The following CRIPT variants were observed in gnomAD, a reference collection of about 807,000 sequenced individuals.
CRIPT encodes the protein cysteine-rich PDZ-binding protein.
CRIPT carries 20 observed loss-of-function variants against 16.6 expected under a neutral mutation model. The ratio of observed to expected loss-of-function variants is 1.20; its 90% CI spans 0.85 to 1.75. The LOEUF is 1.75. CRIPT is among the 40% of genes most tolerant of loss of function. The pLI is 0.00. For synonymous variants in CRIPT, 42 were observed against 37.0 expected, an observed-to-expected ratio of 1.14 and a Z score of -0.49; for missense variants, 133 against 115.3, an observed-to-expected ratio of 1.15 and a Z score of -0.70.
rs1670998102 is a variant in CRIPT at position 46,628,539 on chromosome 2, T to A, written c.*4312T>A. Among the ~76,000 whole-genome samples, 1 of 152,248 alleles carries A rather than the reference T, an allele frequency of 6.6e-6. No individual in the cohort carries two copies. On this transcript the variant is annotated 3_prime_UTR_variant, in exon 5 of 5. Transcript: ENST00000238892. Reference sequence around the variant, plus strand: ...TTCTAGCTCATGAGCTTGGAATGTTTTTCCATTTGTTTGTGTCATCTCTGA... The same window carrying A: ...TTCTAGCTCATGAGCTTGGAATGTTATTCCATTTGTTTGTGTCATCTCTGA...
At chr2:46,618,864 A>G in intron 2 of CRIPT, 26 bp downstream of exon 2, 1 of 1,354,588 alleles carries the variant, frequency 7.4e-7, no homozygotes, top group Non-Finnish European at 1.0e-6. Context: ...GAAAATAGGA[A>G]TTTAACCGAA....
intron 3 of CRIPT, 139 bp downstream of exon 3, chr2:46,619,820 C>G (rs558499697): frequency 3.4e-6 from 2 of 591,078 alleles, no homozygotes; most frequent in South Asian, 2.4e-5. Flanking sequence ...ACCAAGCTAT[C>G]TGTTATAATC....
At position 46,629,353 on chromosome 2, in the gene CRIPT, C is replaced by G. The variant is rs922907975; in HGVS notation, c.*5126C>G. ...CACTTCATAAGAACAAGCATGCTGT[C>G]TTACCCAAGTACAGCTATCAAGTTC... On this transcript the variant is annotated 3_prime_UTR_variant, in exon 5 of 5. Coordinates refer to ENST00000238892, the MANE Select transcript of CRIPT (RefSeq NM_014171.6). Among the ~76,000 whole-genome samples, 7 of 152,198 alleles carry G rather than the reference C, an allele frequency of 4.6e-5. No individual in the cohort carries two copies. The highest frequency in any genetic ancestry group is 7.4e-5 in the Non-Finnish European group (5 of 68,020).
chr2:46,621,308 G>A (rs757046032), intron 3 of CRIPT, among the ~76,000 whole-genome samples: 5 of 152,070 alleles, frequency 3.3e-5, no homozygotes, highest in Non-Finnish European at 4.4e-5. Context: ...ATCATATGCT[G>A]TCTTTATTAG....
At position 46,627,413 on chromosome 2, in the gene CRIPT, C is replaced by T. The variant is rs1323408012; in HGVS notation, c.*3186C>T. On this transcript the variant is annotated 3_prime_UTR_variant, in exon 5 of 5. Transcript: ENST00000238892. ...ATTTCGTAGGTTTTCTTCTAGGACT[C>T]TTATAGCTTGAAGTCTTACATTTAA... Among the ~76,000 whole-genome samples the T allele has an allele frequency of 2.7e-5, 4 of 150,468 alleles. No individual in the cohort carries two copies. Among genetic ancestry groups the T allele is most frequent in the African/African-American group, 7.3e-5 (3 of 41,076 alleles).
Position 46,628,808 on chromosome 2 carries a change from A to G in CRIPT, c.*4581A>G, listed in dbSNP as rs1049983230. 2.6e-5 allele frequency among the ~76,000 whole-genome samples: 4 copies of G among 152,220 alleles called. No homozygotes were observed. The highest frequency in any genetic ancestry group is 4.4e-5 in the Non-Finnish European group (3 of 68,034). On this transcript the variant is annotated 3_prime_UTR_variant, in exon 5 of 5. Coordinates refer to ENST00000238892, the MANE Select transcript of CRIPT (RefSeq NM_014171.6). ...CTAAAACAAAACATGAACATAAAAT[A>G]TTTTTAAAAGGAAGACATACAAACA...
rs1448408798 is a variant in CRIPT at position 46,629,250 on chromosome 2, G to A, written c.*5023G>A. Among the ~76,000 whole-genome samples, 1 of 152,086 alleles carries A rather than the reference G, an allele frequency of 6.6e-6. No homozygotes were observed. The highest frequency in any genetic ancestry group is 1.5e-5 in the Non-Finnish European group (1 of 68,008). The stretch of plus-strand genomic sequence containing the variant: ...TAACTCCCAGTTCCCTTAACTGGGG[G>A]TGTGTATCCTAGAATCCTCGACCCA... On this transcript the variant is annotated 3_prime_UTR_variant, in exon 5 of 5. Transcript: ENST00000238892.
intron 3 of CRIPT, among the ~76,000 whole-genome samples, chr2:46,621,449 A>G (rs1253317397): frequency 6.6e-6 from 1 of 152,210 alleles, no homozygotes; most frequent in African/African-American, 2.4e-5. Context: ...TTCCCTAATC[A>G]GCATCTAAAC....
In CRIPT at chr2:46,627,135, G is replaced by A. The variant is rs898234774; in HGVS notation, c.*2908G>A. Among the ~76,000 whole-genome samples, 10 of 151,920 alleles carry A rather than the reference G, an allele frequency of 6.6e-5. No individual in the cohort carries two copies. The highest frequency in any genetic ancestry group is 1.9e-4 in the East Asian group (1 of 5,156). The stretch of plus-strand genomic sequence containing the variant: ...GGAGTGAGCCACCACACCTGGCCAC[G>A]AGTTACTTGGTTTTCGTTTTCTGAA... On this transcript the variant is annotated 3_prime_UTR_variant, in exon 5 of 5. Transcript: ENST00000238892.
intron 1 of CRIPT, among the ~76,000 whole-genome samples, chr2:46,618,042 C>T (rs561371328): frequency 1.3e-5 from 2 of 150,292 alleles, no homozygotes; most frequent in South Asian, 4.3e-4. Flanking sequence ...CCTTCATCCT[C>T]TTTACTCCTT....
At position 46,625,071 on chromosome 2, in the gene CRIPT, G is replaced by GTTTTTTTTTT. The variant is rs879055294; in HGVS notation, c.*853_*862dup. On this transcript the variant is annotated 3_prime_UTR_variant, in exon 5 of 5. Coordinates refer to ENST00000238892, the MANE Select transcript of CRIPT (RefSeq NM_014171.6). The stretch of plus-strand genomic sequence containing the variant: ...GACTCTCCCTTTTTAAAATTTGTTT[G>GTTTTTTTTTT]TTTTTTTTTTTTTTTTTTGGATACA... 1.2e-5 allele frequency: 1 copy of GTTTTTTTTTT among 80,250 alleles called. No homozygotes were observed. 5.0% of individuals were successfully genotyped at this position (80,250 alleles called of 1,614,324 possible). A position where few individuals can be genotyped will look rare whatever the true frequency, so the allele number is the denominator to read the frequency against.
chr2:46,624,926 A>G lies in CRIPT; in HGVS notation c.*699A>G, dbSNP rs1299867689. ...CCAGAACAGTGTTTGTCCATGTTGC[A>G]TGTAATGAAAATAAATCCCTGCTCT... On this transcript the variant is annotated 3_prime_UTR_variant, in exon 5 of 5. Coordinates refer to ENST00000238892, the MANE Select transcript of CRIPT (RefSeq NM_014171.6). 3 of 151,970 alleles carry G rather than the reference A, an allele frequency of 2.0e-5. No homozygotes were observed. Among genetic ancestry groups the G allele is most frequent in the East Asian group, 1.9e-4 (1 of 5,194 alleles). The allele number at this position is 151,970 out of a possible 1,614,324, so 9.4% of individuals were successfully genotyped here.
Position 46,624,248 on chromosome 2 carries a change from G to C in CRIPT, c.*21G>C. ...TCTAGATGTATTGATGGAATTTCTG[G>C]CTTTCTAAATGATTTTACTTTCTGC... On this transcript the variant is annotated 3_prime_UTR_variant, in exon 5 of 5. Coordinates refer to ENST00000238892, the MANE Select transcript of CRIPT (RefSeq NM_014171.6). 1 of 1,511,608 alleles carries C rather than the reference G, an allele frequency of 6.6e-7. No individual in the cohort carries two copies. The highest frequency in any genetic ancestry group is 1.9e-5 in the Admixed American group (1 of 52,518). 93.6% of individuals were successfully genotyped at this position (1,511,608 alleles called of 1,614,324 possible). A position where few individuals can be genotyped will look rare whatever the true frequency, so the allele number is the denominator to read the frequency against.
rs914991333 is a variant in CRIPT at position 46,625,924 on chromosome 2, TTTGTTG to T, written c.*1709_*1714del. 2.6e-5 allele frequency among the ~76,000 whole-genome samples: 4 copies of T among 152,158 alleles called. No homozygotes were observed. The highest frequency in any genetic ancestry group is 4.8e-5 in the African/African-American group (2 of 41,422). ...CTTGCCTAACTCACATTTCATTTTTTTTGTTGTTGTTGTTGTTTTTATAATTTCAAC... is the reference window on the plus strand; with the variant it reads ...CTTGCCTAACTCACATTTCATTTTTTTTGTTGTTGTTTTTATAATTTCAAC... On this transcript the variant is annotated 3_prime_UTR_variant, in exon 5 of 5. Coordinates refer to ENST00000238892, the MANE Select transcript of CRIPT (RefSeq NM_014171.6).
In CRIPT at chr2:46,626,426, A is replaced by G. The variant is rs1029558177; in HGVS notation, c.*2199A>G. On this transcript the variant is annotated 3_prime_UTR_variant, in exon 5 of 5. Coordinates refer to ENST00000238892, the MANE Select transcript of CRIPT (RefSeq NM_014171.6). ...GTGTATGTGTCTTTTTGGTAGAACA[A>G]TTTATTTTCATTTGGATTTATATCC... Among the ~76,000 whole-genome samples the G allele has an allele frequency of 1.3e-5, 2 of 152,162 alleles. No homozygotes were observed. The highest frequency in any genetic ancestry group is 2.4e-5 in the African/African-American group (1 of 41,428).
At chr2:46,624,084 T>C (rs1670877202) in intron 4 of CRIPT, 79 bp from the exon 5 acceptor site, 1 of 825,846 alleles carries the variant, frequency 1.2e-6, no homozygotes, top group Admixed American at 2.9e-5. Flanking sequence ...TGTTAAATTA[T>C]GTTTTAAGCT....
chr2:46,618,709 C>T (rs1670731078), intron 1 of CRIPT, 64 bp from the exon 2 acceptor site: 1 of 1,038,902 alleles, frequency 9.6e-7, no homozygotes, highest in Non-Finnish European at 1.5e-6. Flanking sequence ...GAACCTTAGG[C>T]ACAATGTAAT....
rs1670732882 is a variant in CRIPT at position 46,618,787 on chromosome 2, G to C, written c.31G>C (p.Gly11Arg). The change falls in exon 2 of 5, where the codon GGT becomes CGT. Residue 11 changes from glycine to arginine, a missense_variant. By Grantham distance (125) the Gly-to-Arg change is moderately radical. Coordinates refer to ENST00000238892, the MANE Select transcript of CRIPT (RefSeq NM_014171.6). Reference sequence around the variant, plus strand: ...TGTTCTAACAGGTGAAAAGAAACTTGGTACTGTTATCACTCCAGATACATG... The same window carrying C: ...TGTTCTAACAGGTGAAAAGAAACTTCGTACTGTTATCACTCCAGATACATG... MVCEKCEKKLGTVITPDTWKD... is the reference protein window; with the variant it reads MVCEKCEKKLRTVITPDTWKD... The C allele has an allele frequency of 1.9e-6, 3 of 1,602,654 alleles. 1 individual carries two copies. In the South Asian group the frequency reaches 3.4e-5, roughly 18 times the overall value.
In CRIPT at chr2:46,626,297, G is replaced by C. The variant is rs1184320282; in HGVS notation, c.*2070G>C. Among the ~76,000 whole-genome samples, 1 of 152,148 alleles carries C rather than the reference G, an allele frequency of 6.6e-6. No individual in the cohort carries two copies. The highest frequency in any genetic ancestry group is 1.5e-5 in the Non-Finnish European group (1 of 68,028). On this transcript the variant is annotated 3_prime_UTR_variant, in exon 5 of 5. Coordinates refer to ENST00000238892, the MANE Select transcript of CRIPT (RefSeq NM_014171.6). ...CTTTTTTATGGCTGCATAGTATTCT[G>C]TGGTGTATATGTACCAATTTTCTTT...
Sources: gnomAD v4.1 joint callset for allele counts (sites outside exome capture counted in the v4.1 genomes callset) on GRCh38, gnomAD v4.1.1 for gene constraint, MANE v1.5 for transcripts, NCBI Gene and HGNC (gene_info 2026-07-23, HGNC 2026-07-21) for gene names.